The following FHIT variants were observed in gnomAD, a reference collection of about 807,000 sequenced individuals.
FHIT encodes the protein fragile histidine triad diadenosine triphosphatase, also known as bis(5'-adenosyl)-triphosphatase.
In FHIT, 19 loss-of-function variants were observed where a neutral mutation model predicts 17.9. That is an observed-to-expected ratio of 1.06 (90% confidence interval 0.74 to 1.56). The LOEUF (loss-of-function observed/expected upper bound fraction) is 1.56. Ranked by LOEUF, FHIT falls within the 40% of genes most tolerant of loss-of-function variation. The pLI is 0.00. For synonymous variants in FHIT, 81 were observed against 69.7 expected, an observed-to-expected ratio of 1.16 and a Z score of -0.81; for missense variants, 248 against 189.2, an observed-to-expected ratio of 1.31 and a Z score of -1.82.
chr3:60,783,709 T>C (rs1275289175), intron 4 of FHIT, among the ~76,000 whole-genome samples: 1 of 152,096 alleles, frequency 6.6e-6, no homozygotes, highest in Non-Finnish European at 1.5e-5. Context: ...GGTTTTAAAA[T>C]AAAATTTCAT....
At chr3:60,130,925 A>T (rs986315435) in intron 5 of FHIT, among the ~76,000 whole-genome samples, 2 of 144,628 alleles carry the variant, frequency 1.4e-5, no homozygotes, top group African/African-American at 5.6e-5. Context: ...GTATACATAC[A>T]TATATGTTTA....
intron 4 of FHIT, among the ~76,000 whole-genome samples, chr3:60,629,215 C>CT (rs1386258577): frequency 1.3e-5 from 2 of 152,114 alleles, no homozygotes; most frequent in Non-Finnish European, 2.9e-5. Flanking sequence ...AGGGGAAAGG[C>CT]AGCACCATCT....
At chr3:59,798,857 G>A (rs142816008) in intron 8 of FHIT, among the ~76,000 whole-genome samples, 291 of 152,332 alleles carry the variant, frequency 1.9e-3, no homozygotes, top group Middle Eastern at 0.01. Context: ...AACAAACACT[G>A]TGGCTGGCAG....
At chr3:60,468,877 T>C (rs1350573480) in intron 5 of FHIT, among the ~76,000 whole-genome samples, 1 of 152,154 alleles carries the variant, frequency 6.6e-6, no homozygotes, top group East Asian at 1.9e-4. Flanking sequence ...GGTGTTTTGT[T>C]TGTCTGGGAA....
intron 5 of FHIT, among the ~76,000 whole-genome samples, chr3:60,303,094 G>A (rs1708516106): frequency 6.6e-6 from 1 of 152,054 alleles, no homozygotes; most frequent in Non-Finnish European, 1.5e-5. Flanking sequence ...TATTGTCATC[G>A]AGACTGACAA....
intron 3 of FHIT, among the ~76,000 whole-genome samples, chr3:60,992,110 A>G (rs2030277104): frequency 6.6e-6 from 1 of 152,248 alleles, no homozygotes; most frequent in Admixed American, 6.5e-5. Flanking sequence ...GATTGAGGAA[A>G]GCTAGACAGG....
chr3:60,824,428 A>G lies in FHIT; in HGVS notation c.-110-2417T>C, dbSNP rs529458583. On this transcript the variant is annotated intron_variant, in intron 3 of 9. Coordinates refer to ENST00000492590, the MANE Select transcript of FHIT (RefSeq NM_002012.4). ...TTCTCAAATGCCAGACCAGCCAAAG[A>G]TATTAGCAACAGGTTTAACAGACAG... 3.3e-5 allele frequency among the ~76,000 whole-genome samples: 5 copies of G among 152,334 alleles called. No individual in the cohort carries two copies. In the South Asian group the frequency reaches 8.3e-4, roughly 25 times the overall value.
At chr3:60,234,575 T>C (rs376671089) in intron 5 of FHIT, among the ~76,000 whole-genome samples, 1 of 152,234 alleles carries the variant, frequency 6.6e-6, no homozygotes, top group Admixed American at 6.5e-5. Flanking sequence ...TGCCAGAGCT[T>C]AGATTTTAAA....
chr3:61,023,641 C>T (rs1021656334), intron 3 of FHIT, among the ~76,000 whole-genome samples: 1 of 152,088 alleles, frequency 6.6e-6, no homozygotes, highest in African/African-American at 2.4e-5. Flanking sequence ...ATACTGGTAC[C>T]AAAACAGATA....
chr3:60,165,896 A>T lies in FHIT; in HGVS notation c.104-151744T>A, dbSNP rs184435218. Among the ~76,000 whole-genome samples the T allele has an allele frequency of 1.2e-4, 19 of 152,288 alleles. No homozygotes were observed. In the East Asian group the frequency reaches 3.5e-3, roughly 28 times the overall value. ...TATTTACGTGTGAAACATAAATAGG[A>T]TCGTGATACCTTACAGCAACTTCTG... On this transcript the variant is annotated intron_variant, in intron 5 of 9. Coordinates refer to ENST00000492590, the MANE Select transcript of FHIT (RefSeq NM_002012.4).
intron 2 of FHIT, among the ~76,000 whole-genome samples, chr3:61,195,350 T>A (rs1346402765): frequency 6.6e-6 from 1 of 152,044 alleles, no homozygotes; most frequent in Non-Finnish European, 1.5e-5. Context: ...ACCTATGAAG[T>A]CAAAAGGTAG....
intron 5 of FHIT, among the ~76,000 whole-genome samples, chr3:60,040,053 G>A (rs958047551): frequency 3.3e-5 from 5 of 152,160 alleles, no homozygotes; most frequent in African/African-American, 1.2e-4. Context: ...CCAAACAAAT[G>A]TTTATCTTAA....
At chr3:60,348,169 A>G (rs1209287335) in intron 5 of FHIT, among the ~76,000 whole-genome samples, 1 of 152,146 alleles carries the variant, frequency 6.6e-6, no homozygotes, top group East Asian at 1.9e-4. Context: ...TTATCTAACC[A>G]CACCTAAGAA....
chr3:61,196,735 G>C lies in FHIT; in HGVS notation c.-164+3882C>G, dbSNP rs9880152. Reference sequence around the variant, plus strand: ...ACACTCCAGACTCAAAGGGGAAAAGGGAAGAGGCAGTTACCAGACAGTAGA... The same window carrying C: ...ACACTCCAGACTCAAAGGGGAAAAGCGAAGAGGCAGTTACCAGACAGTAGA... On this transcript the variant is annotated intron_variant, in intron 2 of 9. Transcript: ENST00000492590. Among the ~76,000 whole-genome samples the C allele has an allele frequency of 8.4e-4, 128 of 152,272 alleles. 1 individual carries two copies. Among genetic ancestry groups the C allele is most frequent in the African/African-American group, 2.0e-3 (85 of 41,550 alleles).
chr3:60,891,782 C>T (rs1489178183), intron 3 of FHIT, among the ~76,000 whole-genome samples: 3 of 152,026 alleles, frequency 2.0e-5, no homozygotes, highest in African/African-American at 7.3e-5. Context: ...TATTACACTC[C>T]CTTTCTGAGC....
At chr3:59,929,362 GGTTT>G (rs1705842505) in intron 7 of FHIT, among the ~76,000 whole-genome samples, 1 of 92,034 alleles carries the variant, frequency 1.1e-5, no homozygotes, top group Non-Finnish European at 2.4e-5. Context: ...TTGTTTTTTT[GGTTT>G]TTTTTTTTTT....
At chr3:60,417,751 A>T (rs1028037739) in intron 5 of FHIT, among the ~76,000 whole-genome samples, 10 of 152,126 alleles carry the variant, frequency 6.6e-5, no homozygotes, top group African/African-American at 2.4e-4. Context: ...GTCACAGCAA[A>T]TACCCTGTCT....
chr3:60,029,633 A>G (rs1013502894), intron 5 of FHIT, among the ~76,000 whole-genome samples: 7 of 152,192 alleles, frequency 4.6e-5, no homozygotes, highest in Non-Finnish European at 7.3e-5. Flanking sequence ...GTCTACCTAA[A>G]TAACAGAGGC....
chr3:61,031,260 T>G (rs985632714), intron 3 of FHIT, among the ~76,000 whole-genome samples: 8 of 152,188 alleles, frequency 5.3e-5, no homozygotes, highest in Non-Finnish European at 1.0e-4. Flanking sequence ...TTATTAAAAT[T>G]TATCACTGTA....
Sources: allele counts gnomAD v4.1 joint callset (sites outside exome capture counted in the v4.1 genomes callset), GRCh38; gene constraint gnomAD v4.1.1; transcripts MANE v1.5; gene names NCBI Gene and HGNC (gene_info 2026-07-23, HGNC 2026-07-21).